PIP4K2A: variants seen among roughly 807,000 people sequenced by gnomAD.
PIP4K2A encodes phosphatidylinositol-5-phosphate 4-kinase type 2 alpha, also known as phosphatidylinositol 5-phosphate 4-kinase type-2 alpha.
In PIP4K2A, 14 loss-of-function variants were observed where a neutral mutation model predicts 42.9. That is an observed-to-expected ratio of 0.33 (90% confidence interval 0.22 to 0.51). PIP4K2A has a LOEUF of 0.51. Among genes scored for constraint, PIP4K2A ranks in the 20% least tolerant of loss-of-function variants. PIP4K2A has a pLI of 0.97. For synonymous variants in PIP4K2A, 192 were observed against 192.2 expected (o/e 1.00, Z 0.01); for missense variants, 434 against 519.8 (o/e 0.83, Z 1.61).
At chr10:22,577,550 A>G (rs1166476391) in intron 4 of PIP4K2A, among the ~76,000 whole-genome samples, 3 of 152,184 alleles carry the variant, frequency 2.0e-5, no homozygotes, top group Non-Finnish European at 2.9e-5. Flanking sequence ...TGCTGACACC[A>G]TGCTTCTTGT....
At chr10:22,538,518 C>T (rs1485339213) in intron 9 of PIP4K2A, among the ~76,000 whole-genome samples, 2 of 152,208 alleles carry the variant, frequency 1.3e-5, no homozygotes, top group East Asian at 3.8e-4. Context: ...GGTGAAAAAA[C>T]AGGAGCTCCA....
intron 1 of PIP4K2A, among the ~76,000 whole-genome samples, chr10:22,683,588 A>G (rs1839704440): frequency 6.6e-6 from 1 of 152,112 alleles, no homozygotes; most frequent in South Asian, 2.1e-4. Context: ...ACTGTCGAAA[A>G]CAAGTTATTT....
intron 3 of PIP4K2A, among the ~76,000 whole-genome samples, chr10:22,598,541 C>A (rs1037692352): frequency 2.0e-5 from 3 of 152,176 alleles, no homozygotes; most frequent in Admixed American, 1.3e-4. Flanking sequence ...CTGGCCCCTG[C>A]TCACTTCCCT....
chr10:22,702,786 T>C (rs1337286169), intron 1 of PIP4K2A, among the ~76,000 whole-genome samples: 2 of 152,188 alleles, frequency 1.3e-5, no homozygotes, highest in Non-Finnish European at 2.9e-5. Flanking sequence ...TGAGAACTAA[T>C]GGCCTACGGT....
At chr10:22,599,007 C>G (rs1837692228) in intron 3 of PIP4K2A, among the ~76,000 whole-genome samples, 1 of 151,800 alleles carries the variant, frequency 6.6e-6, no homozygotes, top group Admixed American at 6.6e-5. Flanking sequence ...GATACCATAA[C>G]CCATCCCAAA....
chr10:22,543,417 C>G (rs1836178765), intron 7 of PIP4K2A, among the ~76,000 whole-genome samples: 1 of 152,200 alleles, frequency 6.6e-6, no homozygotes, highest in African/African-American at 2.4e-5. Flanking sequence ...ATCTTACACT[C>G]AAATATTTAA....
At chr10:22,538,883 A>C (rs1836009644) in intron 9 of PIP4K2A, among the ~76,000 whole-genome samples, 1 of 152,246 alleles carries the variant, frequency 6.6e-6, no homozygotes, top group Non-Finnish European at 1.5e-5. Context: ...TTTCTTTGGC[A>C]AATAGAATAC....
At chr10:22,656,689 C>T (rs1205144286) in intron 1 of PIP4K2A, among the ~76,000 whole-genome samples, 1 of 151,380 alleles carries the variant, frequency 6.6e-6, no homozygotes, top group Non-Finnish European at 1.5e-5. Flanking sequence ...CCCAGCTATT[C>T]AGGAGGCTGA....
chr10:22,537,831 G>C (rs1476446299), intron 9 of PIP4K2A, among the ~76,000 whole-genome samples: 1 of 152,218 alleles, frequency 6.6e-6, no homozygotes, highest in East Asian at 1.9e-4. Flanking sequence ...GCTGCCCCCA[G>C]CCCATTCCCT....
chr10:22,587,431 C>G, intron 4 of PIP4K2A, among the ~76,000 whole-genome samples: 1 of 152,176 alleles, frequency 6.6e-6, no homozygotes, highest in East Asian at 1.9e-4. Context: ...CAAGAAGAAA[C>G]AGAAGAAATG....
chr10:22,564,795 C>T (rs2130783589), intron 6 of PIP4K2A, among the ~76,000 whole-genome samples: 1 of 152,346 alleles, frequency 6.6e-6, no homozygotes, highest in South Asian at 2.1e-4. Flanking sequence ...TCCTCCTTAC[C>T]TGCTGCAATC....
At chr10:22,537,894 G>T (rs554237569) in intron 9 of PIP4K2A, among the ~76,000 whole-genome samples, 1 of 152,288 alleles carries the variant, frequency 6.6e-6, no homozygotes, top group South Asian at 2.1e-4. Flanking sequence ...GCCCACGGGG[G>T]AAGGAGCTGA....
At chr10:22,655,426 C>G (rs1327616653) in intron 1 of PIP4K2A, among the ~76,000 whole-genome samples, 1 of 152,236 alleles carries the variant, frequency 6.6e-6, no homozygotes, top group Non-Finnish European at 1.5e-5. Flanking sequence ...TATGTTTCTT[C>G]TCTGCACAAG....
At chr10:22,600,827 G>A (rs77080623) in intron 3 of PIP4K2A, among the ~76,000 whole-genome samples, 3 of 152,194 alleles carry the variant, frequency 2.0e-5, no homozygotes, top group Non-Finnish European at 4.4e-5. Flanking sequence ...AATGCCCACT[G>A]TGTTCAAAGC....
chr10:22,543,184 T>C (rs1055885118), intron 7 of PIP4K2A, among the ~76,000 whole-genome samples: 1 of 152,150 alleles, frequency 6.6e-6, no homozygotes, highest in Non-Finnish European at 1.5e-5. Flanking sequence ...CGAAACTGAA[T>C]GAGAAGCCCC....
chr10:22,586,101 G>A (rs764970380), intron 4 of PIP4K2A, among the ~76,000 whole-genome samples: 8 of 152,126 alleles, frequency 5.3e-5, no homozygotes, highest in Non-Finnish European at 1.2e-4. Flanking sequence ...TATAGGATCC[G>A]AGTTTCTTAC....
intron 1 of PIP4K2A, among the ~76,000 whole-genome samples, chr10:22,680,862 A>C (rs1839646014): frequency 1.3e-5 from 2 of 152,182 alleles, no homozygotes; most frequent in African/African-American, 4.8e-5. Flanking sequence ...AAAAAGTTGT[A>C]GATTCCAACT....
intron 9 of PIP4K2A, among the ~76,000 whole-genome samples, chr10:22,538,462 A>G (rs1382903635): frequency 1.3e-5 from 2 of 152,214 alleles, no homozygotes; most frequent in Non-Finnish European, 2.9e-5. Context: ...CAACTCTTGT[A>G]TCTCTGGCAA....
chr10:22,606,522 C>T (rs557743058), intron 3 of PIP4K2A, among the ~76,000 whole-genome samples: 1 of 152,310 alleles, frequency 6.6e-6, no homozygotes, highest in African/African-American at 2.4e-5. Flanking sequence ...CTGCTTTCTC[C>T]AAACATGGCA....
Sources: gnomAD v4.1 joint callset for allele counts (sites outside exome capture counted in the v4.1 genomes callset) on GRCh38, gnomAD v4.1.1 for gene constraint, MANE v1.5 for transcripts, NCBI Gene and HGNC (gene_info 2026-07-23, HGNC 2026-07-21) for gene names.